The following KMT2D variants were observed in gnomAD, a reference collection of about 807,000 sequenced individuals.
The protein encoded by KMT2D is histone-lysine N-methyltransferase 2D.
Under a neutral mutation model 512.7 loss-of-function variants are expected in KMT2D, and 55 were observed. The ratio of observed to expected loss-of-function variants is 0.11; its 90% CI spans 0.09 to 0.13. The LOEUF is 0.13. Ranked by LOEUF, KMT2D falls within the 10% of genes least tolerant of loss-of-function variation. The probability of loss-of-function intolerance (pLI) is 1.00; values close to 1 mark genes in which losing one functional copy is unlikely to be tolerated. For synonymous variants in KMT2D, 2,995 were observed against 2,904.0 expected, an observed-to-expected ratio of 1.03 and a Z score of -1.01; for missense variants, 6,061 against 7,127.9, an observed-to-expected ratio of 0.85 and a Z score of 5.39.
chr12:49,046,974 T>C lies in KMT2D; in HGVS notation c.4237-184A>G, dbSNP rs147189088. 1.7e-3 allele frequency among the ~76,000 whole-genome samples: 260 copies of C among 152,240 alleles called. No individual in the cohort carries two copies. Among genetic ancestry groups the C allele is most frequent in the Non-Finnish European group, 2.4e-3 (161 of 68,004 alleles). ...GATTCTCTTGTCTCAGCCTCCCAAGTAGCTGAGATTACAGGCACCTGCCAC... is the reference window on the plus strand; with the variant it reads ...GATTCTCTTGTCTCAGCCTCCCAAGCAGCTGAGATTACAGGCACCTGCCAC... On this transcript the variant is annotated intron_variant, in intron 15 of 54. Coordinates refer to ENST00000301067, the MANE Select transcript of KMT2D (RefSeq NM_003482.4). This position sits in a 1 kb window ranked among gnomAD's most constrained non-coding sequence, Gnocchi z 4.2.
In KMT2D at chr12:49,041,111, G is replaced by A; in HGVS notation, c.6659C>T (p.Ala2220Val). 6.5e-7 allele frequency: 1 copy of A among 1,530,166 alleles called. No individual in the cohort carries two copies. The highest frequency in any genetic ancestry group is 1.4e-5 in the African/African-American group (1 of 72,016). 94.8% of individuals were successfully genotyped at this position (1,530,166 alleles called of 1,614,324 possible). Residue 2220 changes from alanine (A) to valine (V), a missense_variant, in exon 32 of 55, where the codon GCT (alanine) becomes GTT (valine). Around this residue, in one of 16 missense-constraint regions of KMT2D, gnomAD observed 710 missense variants for 647.3 expected, o/e 1.10. Coordinates refer to ENST00000301067, the MANE Select transcript of KMT2D (RefSeq NM_003482.4). This position sits in a 1 kb window ranked among gnomAD's most constrained non-coding sequence, Gnocchi z 5.4. Reference sequence around the variant, plus strand: ...AGTGTGGAATTCCCCTGGCTGGCCAGCCCCAGGACGAGATGAGGCGCCCAG... The same window carrying A: ...AGTGTGGAATTCCCCTGGCTGGCCAACCCCAGGACGAGATGAGGCGCCCAG... Reference protein sequence around the residue: ...PMLGASSRPGAGQPGEFHTTP... With the variant: ...PMLGASSRPGVGQPGEFHTTP...
intron 12 of KMT2D, 47 bp from the exon 13 acceptor site, chr12:49,049,265 G>T: frequency 8.0e-7 from 1 of 1,247,122 alleles, no homozygotes; most frequent in Non-Finnish European, 1.1e-6. Flanking sequence ...AAGGGCTAGT[G>T]TGTTGGGTTT....
chr12:49,027,173 C>T lies in KMT2D; in HGVS notation c.14793G>A (p.Glu4931=), dbSNP rs1216795610. 2 of 1,554,196 alleles carry T rather than the reference C, an allele frequency of 1.3e-6. No homozygotes were observed. The highest frequency in any genetic ancestry group is 1.4e-5 in the African/African-American group (1 of 72,692). Residue 4931 remains glutamate, a synonymous_variant, in exon 49 of 55, where the codon GAG becomes GAA. Transcript: ENST00000301067. ...LAPSPASPPT[E]PLVELPTEPL... is the part of the protein sequence containing the mutation. ...GTTCGGTGGGAAGTTCAACCAAGGG[C>T]TCAGTAGGGGGACTGGCAGGAGAAG...
rs1009316575 is a variant in KMT2D at position 49,030,733 on chromosome 12, G to C, written c.13707C>G (p.Ile4569Met). 3.1e-6 allele frequency: 5 copies of C among 1,613,588 alleles called. No individual in the cohort carries two copies. Among genetic ancestry groups the C allele is most frequent in the Non-Finnish European group, 4.2e-6 (5 of 1,179,902 alleles). The change falls in exon 42 of 55, where the codon ATC becomes ATG. Residue 4569 changes from isoleucine to methionine, a missense_variant. This residue lies in a region of KMT2D where 1,600 missense variants were observed against 1,754.9 expected (regional missense o/e 0.91). Transcript: ENST00000301067. ...LSLLPLTEPA[I>M]TANFSLFAPF... ...GGGCAAAGAGGCTAAAATTGGCGGT[G>C]ATAGCAGGCTCCGTTAGGGGCAGCA...
rs752848850 is a variant in KMT2D, at chr12:49,054,006, T to C, written c.645A>G (p.Pro215=). The C allele has an allele frequency of 6.2e-7, 1 of 1,613,944 alleles. No homozygotes were observed. Among genetic ancestry groups the C allele is most frequent in the South Asian group, 1.1e-5 (1 of 91,080 alleles). ...GATATGCAGCCCCCTCACTGTGCTC[T>C]GGGCATAGCAGCTGCAGTGTTTTCA... ...LSMKTLQLLC[P]EHSEGAAYLE... Residue 215 remains proline (P), a synonymous_variant, in exon 6 of 55, where the codon CCA becomes CCG. Coordinates refer to ENST00000301067, the MANE Select transcript of KMT2D (RefSeq NM_003482.4). The surrounding 1 kb of genome is among the most constrained non-coding windows in gnomAD (Gnocchi z 6.4).
chr12:49,029,556 A>T (rs1942788283), intron 43 of KMT2D, 80 bp from the exon 44 acceptor site: 2 of 1,024,544 alleles, frequency 2.0e-6, no homozygotes, highest in African/African-American at 3.2e-5. Flanking sequence ...TTTTAGGCCT[A>T]ATTAGCATGA....
Position 49,051,923 on chromosome 12 carries a change from T to A in KMT2D, c.1760A>T (p.Glu587Val). The A allele has an allele frequency of 6.2e-7, 1 of 1,610,482 alleles. No individual in the cohort carries two copies. The highest frequency in any genetic ancestry group is 8.5e-7 in the Non-Finnish European group (1 of 1,178,900). ...CTCCGGTGGTGGAGACATGGGTGAC[T>A]CTTCAGGTGGAGGGGACATGGGTGA... ...EESPMSPPPE[E>V]SPMSPPPEAS... Residue 587 changes from glutamate to valine, a missense_variant, in exon 11 of 55, where the codon GAG (glutamate) becomes GTG (valine). Transcript: ENST00000301067.
In KMT2D at chr12:49,027,166, C is replaced by T. The variant is rs2120368935; in HGVS notation, c.14800G>A (p.Val4934Ile). Residue 4934 changes from valine to isoleucine, a missense_variant, in exon 49 of 55, where the codon GTT becomes ATT. Around this residue, in one of 16 missense-constraint regions of KMT2D, gnomAD observed 1,600 missense variants for 1,754.9 expected, o/e 0.91. Transcript: ENST00000301067. ...SPASPPTEPL[V>I]ELPTEPLAEP... ...GCCAAGGGTTCGGTGGGAAGTTCAA[C>T]CAAGGGCTCAGTAGGGGGACTGGCA... is the stretch of plus-strand genomic sequence containing the variant. 2.6e-6 allele frequency: 4 copies of T among 1,561,688 alleles called. No homozygotes were observed. The highest frequency in any genetic ancestry group is 3.5e-6 in the Non-Finnish European group (4 of 1,151,546).
At position 49,041,022 on chromosome 12, in the gene KMT2D, G is replaced by A. The variant is rs1272071149; in HGVS notation, c.6748C>T (p.Pro2250Ser). Residue 2250 changes from proline to serine, a missense_variant, in exon 32 of 55, where the codon CCC becomes TCC. Around this residue, in one of 16 missense-constraint regions of KMT2D, gnomAD observed 710 missense variants for 647.3 expected, o/e 1.10. Coordinates refer to ENST00000301067, the MANE Select transcript of KMT2D (RefSeq NM_003482.4). The surrounding 1 kb of genome is among the most constrained non-coding windows in gnomAD (Gnocchi z 5.4). ...TPDPFLKPRC[P>S]SLDNLAVPES... ...GGCACAGCCAAGTTATCCAGCGAGG[G>A]GCAGCGGGGTTTGAGGAATGGGTCA... The A allele has an allele frequency of 6.3e-7, 1 of 1,577,986 alleles. No individual in the cohort carries two copies. Among genetic ancestry groups the A allele is most frequent in the South Asian group, 1.2e-5 (1 of 85,772 alleles).
rs1270832205 is a variant in KMT2D at position 49,053,689 on chromosome 12, C to A, written c.674-48G>T. ...AGGTCAGCTATGGATTCCTTGTAAG[C>A]CTCAGCACATTGCTGTACACAAAAC... On this transcript the variant is annotated intron_variant, in intron 6 of 54. Transcript: ENST00000301067. 3.2e-6 allele frequency: 5 copies of A among 1,546,188 alleles called. No homozygotes were observed. In the African/African-American group the frequency reaches 6.8e-5, roughly 21 times the overall value.
chr12:49,029,473 G>A lies in KMT2D; in HGVS notation c.14003C>T (p.Thr4668Ile). The change falls in exon 44 of 55, where the codon ACT (threonine) becomes ATT (isoleucine). Residue 4668 changes from threonine (T) to isoleucine (I), a missense_variant. By Grantham distance (89) the Thr-to-Ile change is moderately conservative. Transcript: ENST00000301067. Reference sequence around the variant, plus strand: ...CAGGTCTAGACTCTTCACCTCTGAAGTATCTGAGGGGTGGGTAGGGAGAAG... The same window carrying A: ...CAGGTCTAGACTCTTCACCTCTGAAATATCTGAGGGGTGGGTAGGGAGAAG... ...ARDSERALRD[T>I]SEVKSLDLLA... 6.4e-7 allele frequency: 1 copy of A among 1,553,770 alleles called. No individual in the cohort carries two copies. Among genetic ancestry groups the A allele is most frequent in the Non-Finnish European group, 8.7e-7 (1 of 1,147,674 alleles).
rs752371662 is a variant in KMT2D, at chr12:49,034,402, A to ATCTCTGATCACTCAGATCACTGAT, written c.10507+7_10507+8insATCAGTGATCTGAGTGATCAGAGA. 1.2e-6 allele frequency: 2 copies of ATCTCTGATCACTCAGATCACTGAT among 1,613,786 alleles called. No individual in the cohort carries two copies. Among genetic ancestry groups the ATCTCTGATCACTCAGATCACTGAT allele is most frequent in the African/African-American group, 1.3e-5 (1 of 75,010 alleles). ...CCCCTGCACCTTCCTCCCACGCCCC[A>ATCTCTGATCACTCAGATCACTGAT]TACTCACTGATCACTCCCTGAGCAA... On this transcript the variant is annotated splice_region_variant and intron_variant, in intron 38 of 54. Coordinates refer to ENST00000301067, the MANE Select transcript of KMT2D (RefSeq NM_003482.4).
chr12:49,059,923 C>G lies in KMT2D; in HGVS notation c.-348G>C, dbSNP rs1938639130. ...ATCTTGGGCGAGCAGGCTCCGCATCCGCGTCGCCGGGCGGCCTCTCAGTCC... is the reference window on the plus strand; with the variant it reads ...ATCTTGGGCGAGCAGGCTCCGCATCGGCGTCGCCGGGCGGCCTCTCAGTCC... On this transcript the variant is annotated 5_prime_UTR_variant, in exon 1 of 55. Transcript: ENST00000301067. 1 of 151,966 alleles carries G rather than the reference C, an allele frequency of 6.6e-6. No individual in the cohort carries two copies. The highest frequency in any genetic ancestry group is 2.1e-4 in the South Asian group (1 of 4,816). The allele number at this position is 151,966 out of a possible 1,614,324, so 9.4% of individuals were successfully genotyped here.
At position 49,044,075 on chromosome 12, in the gene KMT2D, ACT is replaced by A. The variant is rs1943670596; in HGVS notation, c.5189-79_5189-78del. 1 of 1,598,690 alleles carries A rather than the reference ACT, an allele frequency of 6.3e-7. No homozygotes were observed. Among genetic ancestry groups the A allele is most frequent in the East Asian group, 2.2e-5 (1 of 44,668 alleles). On this transcript the variant is annotated intron_variant, in intron 22 of 54. Coordinates refer to ENST00000301067, the MANE Select transcript of KMT2D (RefSeq NM_003482.4). The surrounding 1 kb of genome is among the most constrained non-coding windows in gnomAD (Gnocchi z 6.4). Reference sequence around the variant, plus strand: ...ACTTGCAGGGTGACACTTTGTGCCTACTCTCTCCCACAACACCAGCTGGGTCT... The same window carrying A: ...ACTTGCAGGGTGACACTTTGTGCCTACTCTCCCACAACACCAGCTGGGTCT...
rs2120513658 is a variant in KMT2D at position 49,039,618 on chromosome 12, C to A, written c.8047-1G>T. 1 of 1,604,864 alleles carries A rather than the reference C, an allele frequency of 6.2e-7. No individual in the cohort carries two copies. The highest frequency in any genetic ancestry group is 8.5e-7 in the Non-Finnish European group (1 of 1,178,164). ...TCAGCAGCTCTCGTAGTCGCTGGCG[C>A]TATGCAAAAAAAAGAGAAGAGGAAT... On this transcript the variant is annotated splice_acceptor_variant, in intron 32 of 54. Coordinates refer to ENST00000301067, the MANE Select transcript of KMT2D (RefSeq NM_003482.4). LOFTEE classifies it high-confidence loss of function. This position sits in a 1 kb window ranked among gnomAD's most constrained non-coding sequence, Gnocchi z 5.0.
In KMT2D at chr12:49,031,738, A is replaced by C. The variant is rs2120423580; in HGVS notation, c.12967T>G (p.Leu4323Val). The stretch of plus-strand genomic sequence containing the variant: ...GGAAGCTGGGAGCTGGGGGAAGGTA[A>C]TTGTGAAGGTCTCTTTGGCTCTTGA... ...SPQEPKRPSQ[L>V]PSPSSQLPTE... The change falls in exon 40 of 55, where the codon TTA (leucine) becomes GTA (valine). Residue 4323 changes from leucine to valine, a missense_variant. Leu to Val is a conservative substitution (Grantham distance 32). This residue lies in a region of KMT2D where 1,600 missense variants were observed against 1,754.9 expected (regional missense o/e 0.91). Coordinates refer to ENST00000301067, the MANE Select transcript of KMT2D (RefSeq NM_003482.4). 1 of 1,613,104 alleles carries C rather than the reference A, an allele frequency of 6.2e-7. No individual in the cohort carries two copies. The highest frequency in any genetic ancestry group is 8.5e-7 in the Non-Finnish European group (1 of 1,179,574).
rs2120675270 is a variant in KMT2D at position 49,051,719 on chromosome 12, G to A, written c.1964C>T (p.Pro655Leu). 1 of 1,588,036 alleles carries A rather than the reference G, an allele frequency of 6.3e-7. No homozygotes were observed. Among genetic ancestry groups the A allele is most frequent in the Non-Finnish European group, 8.6e-7 (1 of 1,162,392 alleles). The change falls in exon 11 of 55, where the codon CCC (proline) becomes CTC (leucine). Residue 655 changes from proline to leucine, a missense_variant. Coordinates refer to ENST00000301067, the MANE Select transcript of KMT2D (RefSeq NM_003482.4). Reference sequence around the variant, plus strand: ...AGACAGGCGTGACACCACAGGCAGGGGGGATAGGCGCGATACCTCAGGTGG... The same window carrying A: ...AGACAGGCGTGACACCACAGGCAGGAGGGATAGGCGCGATACCTCAGGTGG... The part of the protein sequence containing the change: ...SPPPEVSRLS[P>L]LPVVSRLSPP...
chr12:49,056,484 G>A (rs964340771), intron 1 of KMT2D, among the ~76,000 whole-genome samples: 3 of 152,120 alleles, frequency 2.0e-5, no homozygotes, highest in East Asian at 1.9e-4. Flanking sequence ...TTACAGACAC[G>A]AAGAATAGGA....
chr12:49,046,652 G>T lies in KMT2D; in HGVS notation c.4375C>A (p.Pro1459Thr). 6.2e-7 allele frequency: 1 copy of T among 1,613,844 alleles called. No homozygotes were observed. Among genetic ancestry groups the T allele is most frequent in the Non-Finnish European group, 8.5e-7 (1 of 1,179,842 alleles). Residue 1459 changes from proline to threonine, a missense_variant, in exon 16 of 55, where the codon CCC (proline) becomes ACC (threonine). Physicochemically the swap from Pro to Thr is conservative, Grantham distance 38. Around this residue, in one of 16 missense-constraint regions of KMT2D, gnomAD observed 53 missense variants for 148.3 expected, o/e 0.36. Transcript: ENST00000301067. This position sits in a 1 kb window ranked among gnomAD's most constrained non-coding sequence, Gnocchi z 4.2. The stretch of plus-strand genomic sequence containing the variant: ...CCCTTGGGGACGGTGAGCAGTGGGG[G>T]GTCCAGGCAGTATGTGTGGTAGCTA... ...DISYHTYCLDPPLLTVPKGGW... is the reference protein window; with the variant it reads ...DISYHTYCLDTPLLTVPKGGW...
Sources: gnomAD v4.1 joint callset for allele counts (sites outside exome capture counted in the v4.1 genomes callset) on GRCh38, gnomAD v4.1.1 for gene constraint, gnomAD v4.1.1 regional missense constraint, Gnocchi (gnomAD v3.1) non-coding constraint, MANE v1.5 for transcripts, NCBI Gene and HGNC (gene_info 2026-07-23, HGNC 2026-07-21) for gene names.